The following ARID1B variants were observed in gnomAD, a reference collection of about 807,000 sequenced individuals.
ARID1B encodes AT-rich interactive domain-containing protein 1B.
In ARID1B, 30 loss-of-function variants were observed where a neutral mutation model predicts 212.3. The ratio of observed to expected loss-of-function variants is 0.14; its 90% CI spans 0.11 to 0.19. The LOEUF (loss-of-function observed/expected upper bound fraction) is 0.19. ARID1B is among the 10% of genes least tolerant of loss of function. ARID1B has a pLI of 1.00. For missense variants in ARID1B, 2,891 were observed against 3,204.0 expected, an observed-to-expected ratio of 0.90 and a Z score of 2.36; for synonymous variants, 1,402 against 1,301.7, an observed-to-expected ratio of 1.08 and a Z score of -1.66.
rs369100942 is a variant in ARID1B, at chr6:156,791,926, CT to C, written c.1791+12458del. On this transcript the variant is annotated intron_variant, in intron 1 of 19. Transcript: ENST00000636930. ...CCTTTCCAAACTATATTTTTGAAAT[CT>C]TTGAATTTTTGTTTATTTCCTAATG... Among the ~76,000 whole-genome samples, 341 of 152,142 alleles carry C rather than the reference CT, an allele frequency of 2.2e-3. 1 individual carries two copies. The highest frequency in any genetic ancestry group is 7.6e-3 in the African/African-American group (317 of 41,516).
chr6:157,162,557 T>C (rs1191789694), intron 8 of ARID1B, among the ~76,000 whole-genome samples: 2 of 152,230 alleles, frequency 1.3e-5, no homozygotes, highest in Non-Finnish European at 2.9e-5. Context: ...CAGGTCCTGC[T>C]TTCTCAATTA....
intron 2 of ARID1B, among the ~76,000 whole-genome samples, chr6:156,894,066 C>T (rs1788176562): frequency 6.6e-6 from 1 of 151,996 alleles, no homozygotes; most frequent in Admixed American, 6.6e-5. Context: ...AGTGGATAAA[C>T]AGTTATGCTG....
chr6:156,799,223 C>G (rs1780609507), intron 1 of ARID1B, among the ~76,000 whole-genome samples: 1 of 148,548 alleles, frequency 6.7e-6, no homozygotes, highest in Non-Finnish European at 1.5e-5. Context: ...AGGTGCCAAG[C>G]ACTGTGCTAA....
At chr6:157,039,322 C>CTTTCTTTTTTTTTTTTTTTT (rs1781547108) in intron 4 of ARID1B, among the ~76,000 whole-genome samples, 5 of 102,976 alleles carry the variant, frequency 4.9e-5, no homozygotes, top group African/African-American at 8.1e-5. Flanking sequence ...TTTGACATTT[C>CTTTCTTTTTTTTTTTTTTTT]TTTTTTTTTT....
chr6:157,175,201 A>AG, intron 11 of ARID1B, 196 bp downstream of exon 11: 1 of 417,514 alleles, frequency 2.4e-6, no homozygotes, highest in East Asian at 4.7e-5. Context: ...CGTGCATCAA[A>AG]GAAGTTGATT....
chr6:156,986,436 A>G (rs1380295180), intron 4 of ARID1B, among the ~76,000 whole-genome samples: 1 of 152,178 alleles, frequency 6.6e-6, no homozygotes, highest in African/African-American at 2.4e-5. Flanking sequence ...CAAAGCCTGA[A>G]CCCCCTGCAC....
At chr6:156,961,401 G>A (rs1794364624) in intron 4 of ARID1B, among the ~76,000 whole-genome samples, 1 of 152,258 alleles carries the variant, frequency 6.6e-6, no homozygotes. Flanking sequence ...TAAGGAGGTG[G>A]GGAAATGCCA....
intron 4 of ARID1B, among the ~76,000 whole-genome samples, chr6:157,007,163 C>A (rs1197009669): frequency 6.6e-6 from 1 of 152,154 alleles, no homozygotes; most frequent in Non-Finnish European, 1.5e-5. Flanking sequence ...ATGGAAGGGA[C>A]GTAATTTAAT....
At chr6:157,147,915 G>T (rs1174773181) in intron 7 of ARID1B, among the ~76,000 whole-genome samples, 8 of 23,020 alleles carry the variant, frequency 3.5e-4, no homozygotes, top group African/African-American at 9.2e-4. Flanking sequence ...GACCCTGCCC[G>T]CCCGCCCTCA....
chr6:157,110,513 T>G lies in ARID1B; in HGVS notation c.2533T>G (p.Ser845Ala). 4 of 1,614,182 alleles carry G rather than the reference T, an allele frequency of 2.5e-6. No homozygotes were observed. The highest frequency in any genetic ancestry group is 3.4e-6 in the Non-Finnish European group (4 of 1,180,022). The change falls in exon 6 of 20, where the codon TCC becomes GCC. Residue 845 changes from serine to alanine, a missense_variant. Coordinates refer to ENST00000636930, the MANE Select transcript of ARID1B (RefSeq NM_001374828.1). ...PPQPPGSQSE[S>A]SSHPALSQSP... ...GCAGCCACCCGGGAGCCAGTCAGAATCCAGTTCCCATCCCGCCTTGAGCCA... is the reference window on the plus strand; with the variant it reads ...GCAGCCACCCGGGAGCCAGTCAGAAGCCAGTTCCCATCCCGCCTTGAGCCA...
At chr6:156,872,166 C>T (rs776025380) in intron 2 of ARID1B, among the ~76,000 whole-genome samples, 22 of 152,182 alleles carry the variant, frequency 1.4e-4, no homozygotes, top group Non-Finnish European at 8.8e-5. Context: ...GTCTGAACTA[C>T]AATTTCTTTT....
At chr6:157,053,081 T>TG (rs1468875750) in intron 4 of ARID1B, among the ~76,000 whole-genome samples, 2 of 151,504 alleles carry the variant, frequency 1.3e-5, no homozygotes, top group South Asian at 2.1e-4. Flanking sequence ...ATTATTTTAT[T>TG]GATTGATTGA....
Position 157,210,644 on chromosome 6 carries a change from G to GTTT in ARID1B, c.*2762_*2764dup, listed in dbSNP as rs111887732. 3.5e-5 allele frequency: 7 copies of GTTT among 202,062 alleles called. No homozygotes were observed. Among genetic ancestry groups the GTTT allele is most frequent in the African/African-American group, 9.6e-5 (4 of 41,596 alleles). The allele number at this position is 202,062 out of a possible 1,614,324, so 12.5% of individuals were successfully genotyped here. A position where few individuals can be genotyped will look rare whatever the true frequency, so the allele number is the denominator to read the frequency against. On this transcript the variant is annotated 3_prime_UTR_variant, in exon 20 of 20. Coordinates refer to ENST00000636930, the MANE Select transcript of ARID1B (RefSeq NM_001374828.1). ...ATTGCTTTGTCCTAAAAATTAGTCG[G>GTTT]TTTTTTTTTTTCTATGAGGCTTTTC... is the stretch of plus-strand genomic sequence containing the variant.
intron 4 of ARID1B, among the ~76,000 whole-genome samples, chr6:156,981,939 C>T (rs1428542030): frequency 2.0e-5 from 3 of 152,040 alleles, no homozygotes; most frequent in African/African-American, 4.8e-5. Flanking sequence ...AAGAGACATC[C>T]CTTCTGGATT....
intron 4 of ARID1B, among the ~76,000 whole-genome samples, chr6:157,003,229 A>G (rs1779008572): frequency 6.6e-6 from 1 of 152,214 alleles, no homozygotes; most frequent in African/African-American, 2.4e-5. Context: ...CCTGACTGCC[A>G]TGTGGAGAAT....
rs769633972 is a variant in ARID1B at position 157,184,510 on chromosome 6, TCA to T, written c.3919+78_3919+79del. ...CCTGGGAGGTTCCGGGAAGGTGGTTTCACAGTCAGGCCAACAGGGAACTTGGG... is the reference window on the plus strand; with the variant it reads ...CCTGGGAGGTTCCGGGAAGGTGGTTTCAGTCAGGCCAACAGGGAACTTGGG... On this transcript the variant is annotated intron_variant, in intron 13 of 19. Transcript: ENST00000636930. 15 of 1,556,128 alleles carry T rather than the reference TCA, an allele frequency of 9.6e-6. No homozygotes were observed. In the South Asian group the frequency reaches 1.6e-4, roughly 16 times the overall value.
chr6:156,807,098 C>CG (rs1781217540), intron 1 of ARID1B, among the ~76,000 whole-genome samples: 1 of 152,174 alleles, frequency 6.6e-6, no homozygotes, highest in African/African-American at 2.4e-5. Flanking sequence ...CCCTGGACAG[C>CG]GTGCGTTTTT....
intron 3 of ARID1B, among the ~76,000 whole-genome samples, chr6:156,919,757 G>T (rs1453613509): frequency 6.6e-6 from 1 of 152,236 alleles, no homozygotes; most frequent in Non-Finnish European, 1.5e-5. Flanking sequence ...CCTGAGCCCA[G>T]GAGTTCAAGG....
chr6:157,195,756 C>G (rs1055297551), intron 15 of ARID1B: 1 of 199,082 alleles, frequency 5.0e-6, no homozygotes, highest in Non-Finnish European at 1.0e-5. Flanking sequence ...GTATTATGGT[C>G]TATCATATTA....
Sources: gnomAD v4.1 joint callset for allele counts (sites outside exome capture counted in the v4.1 genomes callset) on GRCh38, gnomAD v4.1.1 for gene constraint, MANE v1.5 for transcripts, NCBI Gene and HGNC (gene_info 2026-07-23, HGNC 2026-07-21) for gene names.